NAV2: variants seen among roughly 807,000 people sequenced by gnomAD.
NAV2 encodes neuron navigator 2.
Under a neutral mutation model 223.2 loss-of-function variants are expected in NAV2, and 54 were observed. The observed-to-expected ratio is 0.24, with a 90% CI of 0.19 to 0.30. The LOEUF is 0.30. Among genes scored for constraint, NAV2 ranks in the 10% least tolerant of loss-of-function variants. The pLI, the probability that NAV2 is intolerant of heterozygous loss-of-function variation, is 1.00. For missense variants in NAV2, 2,806 were observed against 3,147.5 expected (o/e 0.89, Z 2.60); for synonymous variants, 1,279 against 1,239.3 (o/e 1.03, Z -0.67).
chr11:19,858,652 T>G (rs1384035523), intron 3 of NAV2, among the ~76,000 whole-genome samples: 2 of 152,254 alleles, frequency 1.3e-5, no homozygotes, highest in Non-Finnish European at 2.9e-5. Context: ...CTCTTGACTC[T>G]CCTTAGCCAA....
intron 11 of NAV2, among the ~76,000 whole-genome samples, chr11:19,989,510 A>T (rs147592002): frequency 2.6e-5 from 4 of 152,054 alleles, no homozygotes; most frequent in South Asian, 2.1e-4. Flanking sequence ...GAGCTAATCA[A>T]TTTTTTTTGT....
intron 1 of NAV2, among the ~76,000 whole-genome samples, chr11:19,818,157 G>T (rs1267499502): frequency 6.6e-6 from 1 of 151,004 alleles, no homozygotes; most frequent in East Asian, 1.9e-4. Context: ...TTTCCAGTTT[G>T]GGGGAGGGGT....
chr11:19,916,924 A>T (rs1434264915), intron 6 of NAV2, among the ~76,000 whole-genome samples: 1 of 152,196 alleles, frequency 6.6e-6, no homozygotes, highest in Non-Finnish European at 1.5e-5. Context: ...AAATCTGTGA[A>T]GGATAGAGAA....
chr11:19,551,623 G>A (rs1290278978), intron 1 of NAV2, among the ~76,000 whole-genome samples: 1 of 152,240 alleles, frequency 6.6e-6, no homozygotes, highest in African/African-American at 2.4e-5. Context: ...GCGTGGTTCA[G>A]AATAGTAGCT....
chr11:19,818,949 C>CT (rs1005041100), intron 1 of NAV2, among the ~76,000 whole-genome samples: 6 of 152,170 alleles, frequency 3.9e-5, no homozygotes, highest in African/African-American at 1.2e-4. Context: ...TCATTCATCT[C>CT]TTTTTTTCCA....
chr11:19,875,079 T>A (rs1290681626), intron 4 of NAV2, among the ~76,000 whole-genome samples: 1 of 152,070 alleles, frequency 6.6e-6, no homozygotes, highest in Admixed American at 6.5e-5. Flanking sequence ...ATCACTTGAA[T>A]CCAGGAGGCA....
chr11:19,558,260 G>A (rs1451467684), intron 1 of NAV2, among the ~76,000 whole-genome samples: 1 of 152,150 alleles, frequency 6.6e-6, no homozygotes, highest in African/African-American at 2.4e-5. Context: ...TGCAATTAGG[G>A]CAGGGCTCAG....
chr11:20,079,136 G>A (rs369458091), intron 24 of NAV2, among the ~76,000 whole-genome samples: 17 of 152,162 alleles, frequency 1.1e-4, no homozygotes, highest in East Asian at 9.6e-4. Context: ...TGCCTCCTGC[G>A]TTCAAGTGAT....
chr11:19,981,549 C>A (rs915860341), intron 10 of NAV2, among the ~76,000 whole-genome samples: 1 of 152,230 alleles, frequency 6.6e-6, no homozygotes, highest in African/African-American at 2.4e-5. Context: ...TTGACAAGAT[C>A]TCCCCAGTTG....
chr11:19,738,414 G>A (rs886310937), intron 1 of NAV2, among the ~76,000 whole-genome samples: 3 of 152,238 alleles, frequency 2.0e-5, no homozygotes, highest in African/African-American at 7.2e-5. Context: ...GACAGATGTG[G>A]GAGAGACACA....
intron 10 of NAV2, among the ~76,000 whole-genome samples, chr11:19,976,259 A>G (rs1790132836): frequency 6.6e-6 from 1 of 152,058 alleles, no homozygotes; most frequent in Non-Finnish European, 1.5e-5. Flanking sequence ...GCTTTTTAAG[A>G]CAGCTTCCAG....
intron 1 of NAV2, chr11:19,518,361 C>G (rs1208263881): frequency 6.6e-6 from 1 of 152,210 alleles, no homozygotes; most frequent in Non-Finnish European, 1.5e-5. Context: ...AGGAAGCTCT[C>G]CTGACCCACC....
At chr11:19,520,236 A>T (rs1199740710) in intron 1 of NAV2, among the ~76,000 whole-genome samples, 1 of 152,224 alleles carries the variant, frequency 6.6e-6, no homozygotes, top group Non-Finnish European at 1.5e-5. Context: ...ACAAACACTC[A>T]TGGGCATTTT....
intron 2 of NAV2, among the ~76,000 whole-genome samples, chr11:19,840,693 A>G (rs1382016515): frequency 1.3e-5 from 2 of 152,140 alleles, no homozygotes; most frequent in Non-Finnish European, 2.9e-5. Context: ...GTTTTTTTGG[A>G]CTTTAGTATA....
At chr11:19,855,003 G>T (rs970305335) in intron 3 of NAV2, among the ~76,000 whole-genome samples, 2 of 152,128 alleles carry the variant, frequency 1.3e-5, no homozygotes, top group African/African-American at 2.4e-5. Context: ...GGGCTTCATA[G>T]CTTACAGAAC....
At chr11:19,541,148 T>C (rs1347003382) in intron 1 of NAV2, among the ~76,000 whole-genome samples, 1 of 152,226 alleles carries the variant, frequency 6.6e-6, no homozygotes, top group Non-Finnish European at 1.5e-5. Flanking sequence ...GAGGAAGTTA[T>C]ACATGTAATT....
chr11:19,590,876 C>T (rs1213536065), intron 1 of NAV2, among the ~76,000 whole-genome samples: 1 of 152,172 alleles, frequency 6.6e-6, no homozygotes, highest in Non-Finnish European at 1.5e-5. Flanking sequence ...CAAGATAGGC[C>T]TTTCTAGAGA....
chr11:19,809,156 C>CTGT (rs1302002429), intron 1 of NAV2, among the ~76,000 whole-genome samples: 1 of 152,184 alleles, frequency 6.6e-6, no homozygotes, highest in Non-Finnish European at 1.5e-5. Context: ...TGAACAGTTA[C>CTGT]TAATGAGTAT....
intron 1 of NAV2, among the ~76,000 whole-genome samples, chr11:19,700,083 A>C (rs997396903): frequency 2.0e-5 from 3 of 152,246 alleles, no homozygotes; most frequent in African/African-American, 7.2e-5. Context: ...GCCCTAAGGT[A>C]GGTGGGAGAG....
Sources: gnomAD v4.1 joint callset for allele counts (sites outside exome capture counted in the v4.1 genomes callset) on GRCh38, gnomAD v4.1.1 for gene constraint, MANE v1.5 for transcripts, NCBI Gene and HGNC (gene_info 2026-07-23, HGNC 2026-07-21) for gene names.